RGS6: variants seen among roughly 807,000 people sequenced by gnomAD.
The protein encoded by RGS6 is regulator of G-protein signaling 6.
In RGS6, 30 loss-of-function variants were observed where a neutral mutation model predicts 78.5. The observed-to-expected ratio is 0.38, with a 90% CI of 0.29 to 0.52. The LOEUF is 0.52. RGS6 is among the 20% of genes least tolerant of loss of function. RGS6 has a pLI of 0.85. For missense variants in RGS6, 495 were observed against 609.7 expected, an observed-to-expected ratio of 0.81 and a Z score of 1.98; for synonymous variants, 206 against 206.0, an observed-to-expected ratio of 1.00 and a Z score of 0.00.
intron 3 of RGS6, among the ~76,000 whole-genome samples, chr14:72,388,346 G>A (rs144339841): frequency 6.6e-6 from 1 of 152,276 alleles, no homozygotes; most frequent in East Asian, 1.9e-4. Context: ...GTGCTGATGA[G>A]ATCAATGGAC....
At chr14:71,950,080 T>A (rs1366527785) in intron 1 of RGS6, among the ~76,000 whole-genome samples, 1 of 152,128 alleles carries the variant, frequency 6.6e-6, no homozygotes, top group Non-Finnish European at 1.5e-5. Context: ...TTATAGGAGG[T>A]CTTGATATTC....
intron 3 of RGS6, among the ~76,000 whole-genome samples, chr14:72,366,817 G>A (rs530680544): frequency 1.5e-3 from 223 of 152,080 alleles, no homozygotes; most frequent in Non-Finnish European, 2.7e-3. Context: ...GACATATCCT[G>A]GGCAGAATGC....
chr14:72,295,584 C>T (rs145074811), intron 2 of RGS6, among the ~76,000 whole-genome samples: 6 of 152,186 alleles, frequency 3.9e-5, no homozygotes, highest in Non-Finnish European at 8.8e-5. Context: ...CATTTTTTAC[C>T]AGGTTTTGTT....
chr14:72,129,703 A>G lies in RGS6; in HGVS notation c.84+164828A>G, dbSNP rs1310819622. On this transcript the variant is annotated intron_variant, in intron 2 of 17. Transcript: ENST00000553525. The stretch of plus-strand genomic sequence containing the variant: ...CCAGCAGAGCCGCTGAACTTCTAAC[A>G]TAGTGTGGCTCAGGGCTTCCAAAAA... 5.9e-5 allele frequency among the ~76,000 whole-genome samples: 9 copies of G among 152,126 alleles called. No homozygotes were observed. The East Asian group carries it at 1.7e-3, about 29-fold the overall frequency.
chr14:72,397,701 C>G (rs1043391571), intron 3 of RGS6, among the ~76,000 whole-genome samples: 2 of 152,118 alleles, frequency 1.3e-5, no homozygotes, highest in African/African-American at 4.8e-5. Flanking sequence ...ATACATAGCT[C>G]TTATTATTTT....
intron 1 of RGS6, among the ~76,000 whole-genome samples, chr14:71,936,135 G>C (rs1280832951): frequency 6.7e-6 from 1 of 149,462 alleles, no homozygotes; most frequent in African/African-American, 2.5e-5. Flanking sequence ...TATCTATAAA[G>C]GGGAGTTTAT....
At chr14:72,433,693 G>T (rs974277350) in intron 3 of RGS6, among the ~76,000 whole-genome samples, 3 of 151,988 alleles carry the variant, frequency 2.0e-5, no homozygotes, top group Non-Finnish European at 4.4e-5. Flanking sequence ...CCCTCCTTCC[G>T]AGTGTACAAG....
chr14:72,452,537 C>T (rs572792663), intron 3 of RGS6, among the ~76,000 whole-genome samples: 1 of 152,322 alleles, frequency 6.6e-6, no homozygotes, highest in Non-Finnish European at 1.5e-5. Flanking sequence ...GGCCACCAGT[C>T]ACATATCTAA....
At chr14:72,216,560 T>C (rs1203237861) in intron 2 of RGS6, among the ~76,000 whole-genome samples, 1 of 152,244 alleles carries the variant, frequency 6.6e-6, no homozygotes. Context: ...AAAGATCATT[T>C]CACTAACATG....
chr14:71,982,722 A>C (rs1948712728), intron 2 of RGS6, among the ~76,000 whole-genome samples: 1 of 152,228 alleles, frequency 6.6e-6, no homozygotes, highest in African/African-American at 2.4e-5. Context: ...AAGCAGCTCC[A>C]ATTGCTGGGC....
chr14:72,016,962 T>A (rs1475375323), intron 2 of RGS6, among the ~76,000 whole-genome samples: 1 of 152,212 alleles, frequency 6.6e-6, no homozygotes, highest in African/African-American at 2.4e-5. Context: ...TTTAGGTCTT[T>A]CAGTAGAATT....
intron 13 of RGS6, among the ~76,000 whole-genome samples, chr14:72,509,606 G>A (rs1345953726): frequency 5.9e-5 from 9 of 152,156 alleles, no homozygotes. Context: ...ACTGTGCATG[G>A]TTGTTAAATC....
intron 17 of RGS6, chr14:72,540,691 T>C: frequency 7.3e-7 from 1 of 1,367,858 alleles, no homozygotes; most frequent in Non-Finnish European, 9.7e-7. Flanking sequence ...ATCAGCCTCA[T>C]GTGCACAGTG....
At chr14:72,327,011 A>G (rs1475056369) in intron 2 of RGS6, among the ~76,000 whole-genome samples, 4 of 152,152 alleles carry the variant, frequency 2.6e-5, no homozygotes, top group African/African-American at 9.7e-5. Context: ...CCGGCCAGGT[A>G]TTTCTTTATA....
At chr14:72,108,413 G>T (rs2095679935) in intron 2 of RGS6, among the ~76,000 whole-genome samples, 1 of 151,824 alleles carries the variant, frequency 6.6e-6, no homozygotes, top group East Asian at 1.9e-4. Context: ...GATAGTTATG[G>T]GTTGTTATTC....
At chr14:72,216,773 T>C (rs981319000) in intron 2 of RGS6, among the ~76,000 whole-genome samples, 1 of 152,132 alleles carries the variant, frequency 6.6e-6, no homozygotes, top group African/African-American at 2.4e-5. Flanking sequence ...TGGTTGCTGT[T>C]CATCTCTTGC....
Position 72,269,290 on chromosome 14 carries a change from C to T in RGS6, c.85-82805C>T, listed in dbSNP as rs1265080966. Among the ~76,000 whole-genome samples, 4 of 152,212 alleles carry T rather than the reference C, an allele frequency of 2.6e-5. 1 individual carries two copies. In the East Asian group the frequency reaches 7.7e-4, roughly 29 times the overall value. ...ACCAGATCAGACTTGTGACTGTTTTCCCATTCTTTGGGCAATCCCATTGCA... is the reference window on the plus strand; with the variant it reads ...ACCAGATCAGACTTGTGACTGTTTTTCCATTCTTTGGGCAATCCCATTGCA... On this transcript the variant is annotated intron_variant, in intron 2 of 17. Transcript: ENST00000553525.
intron 12 of RGS6, among the ~76,000 whole-genome samples, chr14:72,488,738 A>T (rs780030877): frequency 6.6e-6 from 1 of 152,072 alleles, no homozygotes; most frequent in Non-Finnish European, 1.5e-5. Flanking sequence ...GCCTCTCCTG[A>T]GCCTTCCCTA....
chr14:72,549,984 G>A (rs968941631), intron 17 of RGS6, among the ~76,000 whole-genome samples: 1 of 152,186 alleles, frequency 6.6e-6, no homozygotes, highest in African/African-American at 2.4e-5. Flanking sequence ...GAAAGGGAAG[G>A]GTTCCCATGT....
Sources: allele counts gnomAD v4.1 joint callset (sites outside exome capture counted in the v4.1 genomes callset), GRCh38; gene constraint gnomAD v4.1.1; transcripts MANE v1.5; gene names NCBI Gene and HGNC (gene_info 2026-07-23, HGNC 2026-07-21).